The following HPSE2 variants were observed in gnomAD, a reference collection of about 807,000 sequenced individuals.
The protein encoded by HPSE2 is inactive heparanase-2.
Under a neutral mutation model 60.5 loss-of-function variants are expected in HPSE2, and 38 were observed. The observed-to-expected ratio is 0.63, with a 90% CI of 0.48 to 0.82. The LOEUF is 0.82. Among genes scored for constraint, HPSE2 ranks in the 40% least tolerant of loss-of-function variants. HPSE2 has a pLI of 0.00. For synonymous variants in HPSE2, 295 were observed against 293.2 expected (o/e 1.01, Z -0.06); for missense variants, 713 against 740.4 (o/e 0.96, Z 0.43).
intron 3 of HPSE2, among the ~76,000 whole-genome samples, chr10:99,096,633 C>T (rs1182834769): frequency 6.6e-6 from 1 of 151,966 alleles, no homozygotes; most frequent in Non-Finnish European, 1.5e-5. Context: ...TATCATTGGA[C>T]ATTAAAATGT....
chr10:98,734,938 CATT>C lies in HPSE2; in HGVS notation c.784+8942_784+8944del, dbSNP rs1949314610. Among the ~76,000 whole-genome samples the C allele has an allele frequency of 5.3e-5, 8 of 151,530 alleles. No individual in the cohort carries two copies. In the South Asian group the frequency reaches 1.5e-3, roughly 28 times the overall value. ...ACACACACAAACACACACAATTTCC[CATT>C]ATTATCTTGCCTTGGTCTGATACAG... On this transcript the variant is annotated intron_variant, in intron 4 of 11. Transcript: ENST00000370552.
intron 9 of HPSE2, among the ~76,000 whole-genome samples, chr10:98,578,235 T>C (rs545258802): frequency 6.6e-6 from 1 of 152,294 alleles, no homozygotes; most frequent in African/African-American, 2.4e-5. Flanking sequence ...AGACTCTGAT[T>C]CTTGATGAGA....
At chr10:99,056,027 C>G (rs1193155707) in intron 3 of HPSE2, among the ~76,000 whole-genome samples, 1 of 151,890 alleles carries the variant, frequency 6.6e-6, no homozygotes, top group East Asian at 1.9e-4. Flanking sequence ...CAAAGTTTTT[C>G]TTTTAAAGAA....
chr10:98,708,286 C>A (rs1402366991), intron 5 of HPSE2, among the ~76,000 whole-genome samples: 1 of 151,984 alleles, frequency 6.6e-6, no homozygotes. Context: ...GAAACCCTGT[C>A]TCTACTAAAA....
At chr10:99,279,315 T>C in the HPSE2 span, among the ~76,000 whole-genome samples, 2 of 152,160 alleles carry the variant, frequency 1.3e-5, no homozygotes, top group Non-Finnish European at 2.9e-5. Context: ...AAAGGCAGGA[T>C]GATGCTGGAT....
intron 2 of HPSE2, among the ~76,000 whole-genome samples, chr10:99,225,983 G>A (rs148044922): frequency 6.6e-4 from 100 of 152,084 alleles, no homozygotes; most frequent in African/African-American, 2.3e-3. Flanking sequence ...AATTTCTAAT[G>A]TACTTTATTT....
At chr10:98,616,335 C>T (rs955489697) in intron 8 of HPSE2, among the ~76,000 whole-genome samples, 5 of 152,112 alleles carry the variant, frequency 3.3e-5, no homozygotes, top group Admixed American at 3.3e-4. Context: ...CCGCAAACAC[C>T]CATCACCATT....
At chr10:99,303,251 A>G in the HPSE2 span, among the ~76,000 whole-genome samples, 1 of 152,180 alleles carries the variant, frequency 6.6e-6, no homozygotes, top group South Asian at 2.1e-4. Flanking sequence ...TCTTACCAAC[A>G]GCCCTTTCAT....
At chr10:98,758,202 G>T (rs1279125893) in intron 3 of HPSE2, among the ~76,000 whole-genome samples, 1 of 121,684 alleles carries the variant, frequency 8.2e-6, no homozygotes, top group Non-Finnish European at 2.0e-5. Context: ...ATGGGTTAAA[G>T]ATGTAAATGT....
intron 9 of HPSE2, among the ~76,000 whole-genome samples, chr10:98,567,876 CA>C (rs1305740251): frequency 1.3e-5 from 2 of 152,108 alleles, no homozygotes; most frequent in African/African-American, 4.8e-5. Context: ...CAGGCCCTGT[CA>C]AAGAAACAGG....
At chr10:99,084,015 C>T (rs1843235515) in intron 3 of HPSE2, among the ~76,000 whole-genome samples, 1 of 111,558 alleles carries the variant, frequency 9.0e-6, no homozygotes, top group Non-Finnish European at 1.7e-5. Flanking sequence ...AGGGTTTTTT[C>T]CCAAGAGTCA....
intron 2 of HPSE2, among the ~76,000 whole-genome samples, chr10:99,193,241 T>C (rs1341392971): frequency 6.6e-6 from 1 of 152,072 alleles, no homozygotes; most frequent in African/African-American, 2.4e-5. Context: ...TACGGTATTA[T>C]TTGTCTCATG....
At chr10:98,611,049 T>TGACC (rs143787783) in intron 9 of HPSE2, among the ~76,000 whole-genome samples, 5,599 of 152,282 alleles carry the variant, frequency 0.037, 352 homozygotes, top group African/African-American at 0.13. Flanking sequence ...CGTGACTGAC[T>TGACC]GACCAGCTGT....
intron 11 of HPSE2, among the ~76,000 whole-genome samples, chr10:98,473,120 T>C (rs1020911479): frequency 5.9e-5 from 9 of 152,282 alleles, no homozygotes; most frequent in Admixed American, 1.3e-4. Context: ...GTGAGGTGAA[T>C]TGTAATAACA....
chr10:98,908,138 C>G (rs1953875199), intron 3 of HPSE2, among the ~76,000 whole-genome samples: 1 of 152,128 alleles, frequency 6.6e-6, no homozygotes, highest in Non-Finnish European at 1.5e-5. Context: ...CTATTCTAAG[C>G]TCTTTACCTG....
At chr10:98,579,700 T>C (rs1944740516) in intron 9 of HPSE2, among the ~76,000 whole-genome samples, 2 of 152,220 alleles carry the variant, frequency 1.3e-5, no homozygotes, top group South Asian at 4.1e-4. Context: ...GTCTAAGTGT[T>C]GAAAACCACC....
chr10:98,774,511 A>G (rs1312432897), intron 3 of HPSE2, among the ~76,000 whole-genome samples: 1 of 152,148 alleles, frequency 6.6e-6, no homozygotes, highest in Admixed American at 6.6e-5. Flanking sequence ...CAGCTGCACA[A>G]TCAGATCAGA....
At chr10:98,916,356 G>A (rs983367364) in intron 3 of HPSE2, among the ~76,000 whole-genome samples, 1 of 152,200 alleles carries the variant, frequency 6.6e-6, no homozygotes, top group African/African-American at 2.4e-5. Context: ...ACCCCTTGCT[G>A]TAAATTTGCC....
chr10:98,836,263 C>T (rs1951787717), intron 3 of HPSE2, among the ~76,000 whole-genome samples: 1 of 152,220 alleles, frequency 6.6e-6, no homozygotes, highest in South Asian at 2.1e-4. Flanking sequence ...AAACTCAATT[C>T]GTTGAAATTT....
Sources: allele counts gnomAD v4.1 joint callset (sites outside exome capture counted in the v4.1 genomes callset), GRCh38; gene constraint gnomAD v4.1.1; transcripts MANE v1.5; gene names NCBI Gene and HGNC (gene_info 2026-07-23, HGNC 2026-07-21).